The following ULK4 variants were observed in gnomAD, a reference collection of about 807,000 sequenced individuals.
ULK4 encodes unc-51 like kinase 4, also known as inactive serine/threonine-protein kinase ULK4.
In ULK4, 133 loss-of-function variants were observed where a neutral mutation model predicts 160.6. That is an observed-to-expected ratio of 0.83 (90% CI 0.72 to 0.96). ULK4 has a LOEUF of 0.96. Among genes scored for constraint, ULK4 ranks in the 40% least tolerant of loss-of-function variants. The probability of loss-of-function intolerance (pLI) is 0.00; values close to 1 mark genes in which losing one functional copy is unlikely to be tolerated. For synonymous variants in ULK4, 534 were observed against 539.8 expected (o/e 0.99, Z 0.15); for missense variants, 1,580 against 1,499.5 (o/e 1.05, Z -0.89).
intron 35 of ULK4, 107 bp downstream of exon 35, chr3:41,397,972 G>C (rs2082098365): frequency 7.7e-7 from 1 of 1,303,138 alleles, no homozygotes; most frequent in South Asian, 1.5e-5. Context: ...GACAACTCTT[G>C]CAAATTCTCT....
At chr3:41,766,737 C>A (rs1054127010) in intron 21 of ULK4, 2 of 152,196 alleles carry the variant, frequency 1.3e-5, no homozygotes, top group Non-Finnish European at 2.9e-5. Flanking sequence ...TACCTGTATA[C>A]CCTTGACCGA....
chr3:41,431,123 G>A (rs2082894215), intron 34 of ULK4, among the ~76,000 whole-genome samples: 1 of 152,176 alleles, frequency 6.6e-6, no homozygotes, highest in African/African-American at 2.4e-5. Context: ...GCGGAGGCAG[G>A]CTGATCACGA....
chr3:41,560,417 G>C (rs1289485442), intron 32 of ULK4, among the ~76,000 whole-genome samples: 1 of 152,196 alleles, frequency 6.6e-6, no homozygotes, highest in African/African-American at 2.4e-5. Context: ...TTGGTAGTTT[G>C]ATGCGGATGA....
chr3:41,537,460 C>CT (rs2086542644), intron 32 of ULK4, among the ~76,000 whole-genome samples: 1 of 152,118 alleles, frequency 6.6e-6, no homozygotes, highest in Non-Finnish European at 1.5e-5. Context: ...TTTTCAAAGC[C>CT]TTTTATTGAG....
intron 19 of ULK4, among the ~76,000 whole-genome samples, chr3:41,814,573 T>A (rs1161254926): frequency 3.3e-5 from 5 of 152,318 alleles, no homozygotes; most frequent in African/African-American, 1.2e-4. Flanking sequence ...TTGTCTGTTT[T>A]ATCAGATACT....
intron 29 of ULK4, among the ~76,000 whole-genome samples, chr3:41,679,444 T>C (rs1389534643): frequency 6.6e-6 from 1 of 152,222 alleles, no homozygotes; most frequent in East Asian, 1.9e-4. Context: ...AAACATTCCA[T>C]ATCACATCCA....
chr3:41,503,606 A>G (rs547083213), intron 32 of ULK4, among the ~76,000 whole-genome samples: 29 of 152,310 alleles, frequency 1.9e-4, no homozygotes, highest in African/African-American at 6.5e-4. Context: ...TCTGCATGGT[A>G]CCCAACCTTC....
chr3:41,525,951 A>T (rs1024135426), intron 32 of ULK4, among the ~76,000 whole-genome samples: 11 of 152,116 alleles, frequency 7.2e-5, no homozygotes, highest in African/African-American at 2.4e-4. Flanking sequence ...CTCCCTGAGG[A>T]TGCTTTCAGT....
chr3:41,391,052 G>GT (rs1488035727), intron 35 of ULK4, among the ~76,000 whole-genome samples: 1 of 152,048 alleles, frequency 6.6e-6, no homozygotes, highest in African/African-American at 2.4e-5. Flanking sequence ...AACATGCAAT[G>GT]TTTATCTTTC....
chr3:41,422,258 T>C (rs1342887107), intron 34 of ULK4, among the ~76,000 whole-genome samples: 2 of 152,176 alleles, frequency 1.3e-5, no homozygotes, highest in Admixed American at 1.3e-4. Context: ...TGATTGGTTG[T>C]CTTACTTAAC....
chr3:41,552,584 G>T (rs1201600146), intron 32 of ULK4, among the ~76,000 whole-genome samples: 1 of 151,648 alleles, frequency 6.6e-6, no homozygotes, highest in Non-Finnish European at 1.5e-5. Flanking sequence ...CAAAACATAA[G>T]AAACTGAAGA....
chr3:41,839,386 A>G (rs904054695), intron 17 of ULK4, among the ~76,000 whole-genome samples: 1 of 150,744 alleles, frequency 6.6e-6, no homozygotes, highest in Admixed American at 6.6e-5. Context: ...AAAATACTAA[A>G]TATGTGAAGT....
chr3:41,360,663 G>T (rs1183434083), intron 35 of ULK4, among the ~76,000 whole-genome samples: 1 of 152,154 alleles, frequency 6.6e-6, no homozygotes, highest in Non-Finnish European at 1.5e-5. Flanking sequence ...ACTAACACAG[G>T]AACAGAAAAC....
chr3:41,431,140 G>C (rs1225589788), intron 34 of ULK4, among the ~76,000 whole-genome samples: 1 of 152,108 alleles, frequency 6.6e-6, no homozygotes, highest in African/African-American at 2.4e-5. Context: ...ACGAAGTCAA[G>C]GGATGAAGAC....
At chr3:41,706,186 C>A (rs554619872) in intron 25 of ULK4, among the ~76,000 whole-genome samples, 25 of 151,746 alleles carry the variant, frequency 1.6e-4, no homozygotes, top group Non-Finnish European at 3.5e-4. Flanking sequence ...GCTCTGAGGC[C>A]TCAGCTCCCC....
At chr3:41,424,864 C>G (rs9862521) in intron 34 of ULK4, among the ~76,000 whole-genome samples, 42,124 of 123,964 alleles carry the variant, frequency 0.34, 6,534 homozygotes, top group Middle Eastern at 0.38. Context: ...AGGCTGAAAA[C>G]TGAAAAAGCC....
rs71075470 is a variant in ULK4, at chr3:41,506,767, AATATATATATATATATAT to A, written c.3227-43532_3227-43515del. Reference sequence around the variant, plus strand: ...AGCAATACACTGGAGTGTGATTTAAAATATATATATATATATATATATATATATATATATATATATGAA... The same window carrying A: ...AGCAATACACTGGAGTGTGATTTAAAATATATATATATATATATATATGAA... On this transcript the variant is annotated intron_variant, in intron 32 of 36. Transcript: ENST00000301831. Among the ~76,000 whole-genome samples the A allele has an allele frequency of 2.8e-4, 16 of 56,794 alleles. 3 individuals are homozygous for A. The highest frequency in any genetic ancestry group is 9.0e-4 in the African/African-American group (11 of 12,248). 37.3% of individuals were successfully genotyped at this position (56,794 alleles called of 152,430 possible). A position where few individuals can be genotyped will look rare whatever the true frequency, so the allele number is the denominator to read the frequency against.
chr3:41,806,354 G>C (rs1304558730), intron 19 of ULK4, among the ~76,000 whole-genome samples: 1 of 152,046 alleles, frequency 6.6e-6, no homozygotes, highest in Non-Finnish European at 1.5e-5. Context: ...TTTTTATTGA[G>C]TCTATTTGAT....
chr3:41,466,242 A>G (rs761018942), intron 32 of ULK4, among the ~76,000 whole-genome samples: 1 of 152,158 alleles, frequency 6.6e-6, no homozygotes, highest in Non-Finnish European at 1.5e-5. Context: ...GAGAATGTGT[A>G]CTTAGAGTCC....
Sources: allele counts gnomAD v4.1 joint callset (sites outside exome capture counted in the v4.1 genomes callset), GRCh38; gene constraint gnomAD v4.1.1; transcripts MANE v1.5; gene names NCBI Gene and HGNC (gene_info 2026-07-23, HGNC 2026-07-21).